Variants in WDR19 observed in about 807,000 individuals in gnomAD.
WDR19 encodes the protein WD repeat-containing protein 19.
A neutral mutation model predicts 180.0 loss-of-function variants in WDR19; 121 were observed. The observed-to-expected ratio is 0.67, with a 90% confidence interval of 0.58 to 0.78. WDR19 has a LOEUF of 0.78. Among genes scored for constraint, WDR19 ranks in the 30% least tolerant of loss-of-function variants. The pLI, the probability that WDR19 is intolerant of heterozygous loss-of-function variation, is 0.00. For missense variants in WDR19, 1,450 were observed against 1,640.7 expected (o/e 0.88, Z 2.01); for synonymous variants, 497 against 540.7 (o/e 0.92, Z 1.12).
rs1733440428 is a variant in WDR19, at chr4:39,253,406, T to TA, written c.2876+115dup. ...AAGGAATATTTAGTCTTTATTTTTT[T>TA]ATCAGGTCTAAGCGTTTAAATTCAA... On this transcript the variant is annotated intron_variant, in intron 25 of 36. Transcript: ENST00000399820. The TA allele has an allele frequency of 2.4e-6, 3 of 1,237,016 alleles. No individual in the cohort carries two copies. In the East Asian group the frequency reaches 7.7e-5, roughly 32 times the overall value. The allele number at this position is 1,237,016 out of a possible 1,614,324, so 76.6% of individuals were successfully genotyped here.
intron 20 of WDR19, among the ~76,000 whole-genome samples, chr4:39,238,847 T>C (rs1172886754): frequency 6.6e-6 from 1 of 152,176 alleles, no homozygotes; most frequent in Non-Finnish European, 1.5e-5. Flanking sequence ...TAGAGGAAGA[T>C]AGATCCCAAA....
At chr4:39,217,555 G>A (rs1729190090) in intron 13 of WDR19, among the ~76,000 whole-genome samples, 1 of 152,152 alleles carries the variant, frequency 6.6e-6, no homozygotes, top group South Asian at 2.1e-4. Context: ...ATAAAAACCT[G>A]ATGGGAATGC....
At position 39,215,860 on chromosome 4, in the gene WDR19, G is replaced by C; in HGVS notation, c.981G>C (p.Trp327Cys). The C allele has an allele frequency of 6.2e-7, 1 of 1,613,238 alleles. No individual in the cohort carries two copies. The highest frequency in any genetic ancestry group is 8.5e-7 in the Non-Finnish European group (1 of 1,179,574). ...TTTCAGGATTGGGTACCTTGTCCTG[G>C]ACTGATGATGGCCAGTTGCTAGCAC... The part of the protein sequence containing the change: ...EENKGLGTLS[W>C]TDDGQLLALS... Residue 327 changes from tryptophan to cysteine, a missense_variant, in exon 11 of 37, where the codon TGG becomes TGC. By Grantham distance (215) the Trp-to-Cys change is radical (BLOSUM62 -2). Coordinates refer to ENST00000399820, the MANE Select transcript of WDR19 (RefSeq NM_025132.4).
At chr4:39,185,617 A>G (rs1018052091) in intron 1 of WDR19, 109 bp from the exon 2 acceptor site, 7 of 1,039,822 alleles carry the variant, frequency 6.7e-6, no homozygotes, top group Non-Finnish European at 1.0e-5. Flanking sequence ...AATCCTCACT[A>G]TCCTGAATCC....
intron 20 of WDR19, among the ~76,000 whole-genome samples, chr4:39,236,593 C>A (rs1191056363): frequency 2.0e-5 from 3 of 152,140 alleles, no homozygotes; most frequent in Non-Finnish European, 4.4e-5. Flanking sequence ...TCCACTTGCA[C>A]CTCACAAATA....
At chr4:39,253,049 C>A in intron 24 of WDR19, 97 bp from the exon 25 acceptor site, 1 of 1,193,484 alleles carries the variant, frequency 8.4e-7, no homozygotes, top group Non-Finnish European at 1.1e-6. Flanking sequence ...TAAGCAGTCA[C>A]CATCAATAAA....
chr4:39,243,873 A>C (rs1732227026), intron 21 of WDR19, among the ~76,000 whole-genome samples: 1 of 152,234 alleles, frequency 6.6e-6, no homozygotes, highest in Non-Finnish European at 1.5e-5. Flanking sequence ...ATGTTTCATC[A>C]TGCCTCATAG....
chr4:39,277,641 C>A (rs2109523137), intron 34 of WDR19, among the ~76,000 whole-genome samples: 1 of 152,284 alleles, frequency 6.6e-6, no homozygotes, highest in East Asian at 1.9e-4. Context: ...AAACATGAAT[C>A]TGATAAGTAA....
chr4:39,269,849 T>G, intron 30 of WDR19, 127 bp from the exon 31 acceptor site: 1 of 1,265,570 alleles, frequency 7.9e-7, no homozygotes, highest in Non-Finnish European at 1.1e-6. Context: ...TGAGTTGCTT[T>G]GAATAAGACA....
At chr4:39,230,205 C>A (rs1462334145) in intron 17 of WDR19, among the ~76,000 whole-genome samples, 1 of 152,236 alleles carries the variant, frequency 6.6e-6, no homozygotes, top group Non-Finnish European at 1.5e-5. Flanking sequence ...ACTGTCTCCA[C>A]TCAAGTCCCT....
intron 14 of WDR19, among the ~76,000 whole-genome samples, chr4:39,220,831 T>TTATG (rs1000226637): frequency 2.0e-5 from 3 of 149,248 alleles, no homozygotes; most frequent in Non-Finnish European, 4.5e-5. Flanking sequence ...TATTTTCTTT[T>TTATG]TATTTATTTA....
intron 21 of WDR19, among the ~76,000 whole-genome samples, chr4:39,243,812 GTCT>G (rs950364412): frequency 2.6e-5 from 4 of 152,026 alleles, no homozygotes; most frequent in African/African-American, 9.7e-5. Context: ...TTCTTTAGCT[GTCT>G]TTGGTACCTT....
At chr4:39,215,015 C>T (rs1289870394) in intron 10 of WDR19, among the ~76,000 whole-genome samples, 8 of 152,124 alleles carry the variant, frequency 5.3e-5, no homozygotes, top group African/African-American at 1.4e-4. Context: ...TCAGGTGATC[C>T]GCCTGCCTTG....
intron 9 of WDR19, among the ~76,000 whole-genome samples, chr4:39,211,631 CAATGAAAACAAA>C (rs1256940161): frequency 6.6e-6 from 1 of 152,086 alleles, no homozygotes; most frequent in African/African-American, 2.4e-5. Context: ...TGAACATTAA[CAATGAAAACAAA>C]AATGAAAACC....
chr4:39,234,994 T>C lies in WDR19; in HGVS notation c.2363+119T>C, dbSNP rs908034198. 4.8e-5 allele frequency: 30 copies of C among 628,294 alleles called. 1 individual carries two copies. In the African/African-American group the frequency reaches 5.0e-4, roughly 10 times the overall value. The allele number at this position is 628,294 out of a possible 1,614,324, so 38.9% of individuals were successfully genotyped here. On this transcript the variant is annotated intron_variant, in intron 20 of 36. Transcript: ENST00000399820. ...TTTAATAATTTTTTTAGAGAAAAAA[T>C]ACTGTATTAATTATATATCTGAAAA...
chr4:39,263,085 C>A (rs1412239515), intron 28 of WDR19, among the ~76,000 whole-genome samples: 1 of 122,916 alleles, frequency 8.1e-6, no homozygotes, highest in Non-Finnish European at 1.7e-5. Flanking sequence ...CACCCCCAAT[C>A]CTCAACACCT....
At chr4:39,234,981 T>C (rs1185565102) in intron 20 of WDR19, 106 bp downstream of exon 20, 1 of 676,006 alleles carries the variant, frequency 1.5e-6, no homozygotes, top group Admixed American at 2.9e-5. Context: ...TAATAATTTT[T>C]TTAGAGAAAA....
At chr4:39,267,883 AT>A in intron 29 of WDR19, 111 bp from the exon 30 acceptor site, 1 of 960,568 alleles carries the variant, frequency 1.0e-6, no homozygotes, top group South Asian at 1.4e-5. Context: ...TTTTAAAGCA[AT>A]ATCAATTCTC....
intron 9 of WDR19, among the ~76,000 whole-genome samples, chr4:39,210,352 A>C (rs796407860): frequency 2.6e-4 from 39 of 152,384 alleles, no homozygotes; most frequent in African/African-American, 8.4e-4. Flanking sequence ...TATTTCAGAT[A>C]CTGAAAATAT....
Sources: allele counts gnomAD v4.1 joint callset (sites outside exome capture counted in the v4.1 genomes callset), GRCh38; gene constraint gnomAD v4.1.1; transcripts MANE v1.5; gene names NCBI Gene and HGNC (gene_info 2026-07-23, HGNC 2026-07-21).